Variants in NTRK2 observed in about 807,000 individuals in gnomAD.
NTRK2 encodes the protein BDNF/NT-3 growth factors receptor.
NTRK2 carries 13 observed loss-of-function variants against 94.5 expected under a neutral mutation model. That is an observed-to-expected ratio of 0.14 (90% CI 0.09 to 0.22). The LOEUF is 0.22. Ranked by LOEUF, NTRK2 falls within the 10% of genes least tolerant of loss-of-function variation. The probability of loss-of-function intolerance (pLI) is 1.00; values close to 1 mark genes in which losing one functional copy is unlikely to be tolerated. For missense variants in NTRK2, 639 were observed against 1,071.2 expected (o/e 0.60, Z 5.63); for synonymous variants, 372 against 407.4 (o/e 0.91, Z 1.05).
intron 12 of NTRK2, among the ~76,000 whole-genome samples, chr9:84,779,279 T>C (rs2067337385): frequency 6.6e-6 from 1 of 152,182 alleles, no homozygotes. Flanking sequence ...TGACTTTTTT[T>C]TTCTTTTCTT....
At chr9:84,928,599 C>T (rs1007089799) in intron 14 of NTRK2, among the ~76,000 whole-genome samples, 2 of 152,126 alleles carry the variant, frequency 1.3e-5, no homozygotes, top group Admixed American at 6.5e-5. Context: ...GGGAGGGAAC[C>T]TGAATCCTAG....
At position 84,790,698 on chromosome 9, in the gene NTRK2, G is replaced by A. The variant is rs182975399; in HGVS notation, c.1396+38613G>A. ...AGGGAGATATGGTTTTAAGTGTGGG[G>A]CAGATGAGATGCAGAAGGAAGAAGT... On this transcript the variant is annotated intron_variant, in intron 12 of 18. Transcript: ENST00000277120. 2.6e-5 allele frequency among the ~76,000 whole-genome samples: 4 copies of A among 152,288 alleles called. 1 individual carries two copies. Among genetic ancestry groups the A allele is most frequent in the South Asian group, 4.2e-4 (2 of 4,814 alleles).
chr9:84,826,273 G>A (rs563030490), intron 12 of NTRK2, among the ~76,000 whole-genome samples: 3 of 152,248 alleles, frequency 2.0e-5, no homozygotes, highest in South Asian at 2.1e-4. Flanking sequence ...GGCAATTATC[G>A]GCATCCTTTG....
intron 15 of NTRK2, among the ~76,000 whole-genome samples, chr9:84,937,468 G>A (rs1438457170): frequency 6.6e-6 from 1 of 152,272 alleles, no homozygotes. Context: ...AGAGCTTGAG[G>A]GATCCATAGG....
intron 14 of NTRK2, among the ~76,000 whole-genome samples, chr9:84,869,563 A>AT (rs1237988373): frequency 2.0e-5 from 3 of 151,692 alleles, no homozygotes; most frequent in Non-Finnish European, 4.4e-5. Flanking sequence ...TTATCTCATA[A>AT]TTTTTTTTCC....
chr9:84,894,124 G>C (rs2076681131), intron 14 of NTRK2, among the ~76,000 whole-genome samples: 1 of 77,770 alleles, frequency 1.3e-5, no homozygotes, highest in African/African-American at 6.0e-5. Flanking sequence ...GCACTGGTGA[G>C]ACCCACACTT....
intron 12 of NTRK2, among the ~76,000 whole-genome samples, chr9:84,802,565 C>T (rs1465211337): frequency 1.3e-5 from 2 of 152,156 alleles, no homozygotes; most frequent in African/African-American, 4.8e-5. Context: ...CCAAAATGAG[C>T]TCTTTGAGCA....
chr9:84,670,781 C>A lies in NTRK2; in HGVS notation c.33C>A (p.Ala11=). 1 of 1,613,920 alleles carries A rather than the reference C, an allele frequency of 6.2e-7. No homozygotes were observed. The highest frequency in any genetic ancestry group is 1.7e-5 in the Admixed American group (1 of 60,034). MSSWIRWHGP[A]MARLWGFCWL... is the part of the protein sequence containing the mutation. ...CCTGGATAAGGTGGCATGGACCCGC[C>A]ATGGCGCGGCTCTGGGGCTTCTGCT... Residue 11 remains alanine, a synonymous_variant, in exon 2 of 19, where the codon GCC becomes GCA. Coordinates refer to ENST00000277120, the MANE Select transcript of NTRK2 (RefSeq NM_006180.6).
intron 15 of NTRK2, among the ~76,000 whole-genome samples, chr9:84,947,738 A>T (rs767186194): frequency 5.3e-5 from 8 of 152,202 alleles, no homozygotes; most frequent in Non-Finnish European, 8.8e-5. Flanking sequence ...TCTTGATGTC[A>T]TCACAGCTCT....
chr9:84,694,114 G>C (rs1011094784), intron 2 of NTRK2, among the ~76,000 whole-genome samples: 2 of 152,194 alleles, frequency 1.3e-5, no homozygotes, highest in Non-Finnish European at 2.9e-5. Context: ...CCCAGTCCTA[G>C]AGCGTGGTAC....
At chr9:84,725,788 G>C (rs1445660840) in intron 8 of NTRK2, among the ~76,000 whole-genome samples, 1 of 152,044 alleles carries the variant, frequency 6.6e-6, no homozygotes, top group Non-Finnish European at 1.5e-5. Context: ...AAGGAGGCCT[G>C]TGAGAGATAT....
intron 14 of NTRK2, among the ~76,000 whole-genome samples, chr9:84,930,135 G>T (rs2077970922): frequency 6.6e-6 from 1 of 152,216 alleles, no homozygotes; most frequent in African/African-American, 2.4e-5. Flanking sequence ...TCCAGAATGT[G>T]AATCAGGGCA....
chr9:84,756,695 G>T (rs552620061), intron 12 of NTRK2, among the ~76,000 whole-genome samples: 45 of 152,306 alleles, frequency 3.0e-4, no homozygotes, highest in African/African-American at 9.9e-4. Flanking sequence ...TTCTCATTCA[G>T]TGCTAATAGA....
At chr9:84,958,325 C>T (rs1824429425) in intron 17 of NTRK2, among the ~76,000 whole-genome samples, 1 of 152,116 alleles carries the variant, frequency 6.6e-6, no homozygotes, top group Admixed American at 6.5e-5. Context: ...TCATTATGAA[C>T]ATAAGAAATT....
intron 14 of NTRK2, among the ~76,000 whole-genome samples, chr9:84,924,486 C>T (rs567841034): frequency 8.5e-5 from 13 of 152,194 alleles, no homozygotes; most frequent in East Asian, 1.9e-4. Context: ...CAAACATTGC[C>T]GGGACTGACT....
intron 17 of NTRK2, among the ~76,000 whole-genome samples, chr9:84,955,878 T>C (rs992009238): frequency 3.0e-4 from 45 of 152,218 alleles, no homozygotes; most frequent in African/African-American, 1.1e-3. Flanking sequence ...CTTAAAGTCT[T>C]GTCTCCAAAT....
At chr9:84,686,617 T>C (rs1434968007) in intron 2 of NTRK2, among the ~76,000 whole-genome samples, 1 of 152,216 alleles carries the variant, frequency 6.6e-6, no homozygotes, top group Non-Finnish European at 1.5e-5. Flanking sequence ...TCTCAAAGAA[T>C]TGCAAACATC....
At chr9:84,805,679 C>T (rs1427225332) in intron 12 of NTRK2, among the ~76,000 whole-genome samples, 1 of 152,172 alleles carries the variant, frequency 6.6e-6, no homozygotes, top group South Asian at 2.1e-4. Flanking sequence ...TGAAACTTAA[C>T]CCCCAATGTG....
chr9:84,868,973 G>A (rs1446579678), intron 14 of NTRK2, among the ~76,000 whole-genome samples: 2 of 152,160 alleles, frequency 1.3e-5, no homozygotes, highest in Non-Finnish European at 2.9e-5. Context: ...TTTCCTTTGT[G>A]GAGGGAGGAA....
Sources: gnomAD v4.1 joint callset for allele counts (sites outside exome capture counted in the v4.1 genomes callset) on GRCh38, gnomAD v4.1.1 for gene constraint, MANE v1.5 for transcripts, NCBI Gene and HGNC (gene_info 2026-07-23, HGNC 2026-07-21) for gene names.